GPR149: variants seen among roughly 807,000 people sequenced by gnomAD.
GPR149 encodes the protein probable G protein-coupled receptor 149.
In GPR149, 50 loss-of-function variants were observed where a neutral mutation model predicts 50.2. That is an observed-to-expected ratio of 1.00 (90% CI 0.79 to 1.26). The LOEUF is 1.26. Ranked by LOEUF, GPR149 falls within the 50% of genes most tolerant of loss-of-function variation. The probability of loss-of-function intolerance (pLI) is 0.00; values close to 1 mark genes in which losing one functional copy is unlikely to be tolerated. For synonymous variants in GPR149, 405 were observed against 358.2 expected (o/e 1.13, Z -1.48); for missense variants, 983 against 895.4 (o/e 1.10, Z -1.25).
At position 154,429,051 on chromosome 3, in the gene GPR149, A is replaced by T. The variant is rs775306236; in HGVS notation, c.565T>A (p.Ser189Thr). Residue 189 changes from serine to threonine, a missense_variant, in exon 1 of 4, where the codon TCC (serine) becomes ACC (threonine). Coordinates refer to ENST00000389740, the MANE Select transcript of GPR149 (RefSeq NM_001038705.3). ...ACGATAGAGAGGAATAGTACGTAGG[A>T]GCTGGAGCAGTCCACCAGGCAGCCC... ...PWGCLVDCSS[S>T]YVLFLSIVYA... 2.5e-6 allele frequency: 4 copies of T among 1,613,960 alleles called. No homozygotes were observed. Among genetic ancestry groups the T allele is most frequent in the Non-Finnish European group, 1.7e-6 (2 of 1,180,014 alleles).
At chr3:154,349,706 A>G (rs1714022033) in intron 3 of GPR149, among the ~76,000 whole-genome samples, 1 of 152,216 alleles carries the variant, frequency 6.6e-6, no homozygotes, top group South Asian at 2.1e-4. Context: ...TACAGAAAAT[A>G]CAAGACAAAG....
At position 154,337,670 on chromosome 3, in the gene GPR149, A is replaced by G. The variant is rs763862770; in HGVS notation, c.*29T>C. ...GTTTCACAGTTGACGTTGCAGATCC[A>G]TTCTTGCTCCTGTTAGACCAAATAC... On this transcript the variant is annotated 3_prime_UTR_variant, in exon 4 of 4. Coordinates refer to ENST00000389740, the MANE Select transcript of GPR149 (RefSeq NM_001038705.3). The G allele has an allele frequency of 2.0e-6, 3 of 1,496,074 alleles. No individual in the cohort carries two copies. Among genetic ancestry groups the G allele is most frequent in the Non-Finnish European group, 2.7e-6 (3 of 1,109,878 alleles). 92.7% of individuals were successfully genotyped at this position (1,496,074 alleles called of 1,614,324 possible).
In GPR149 at chr3:154,421,229, A is replaced by G; in HGVS notation, c.1433T>C (p.Ile478Thr). 1 of 1,613,526 alleles carries G rather than the reference A, an allele frequency of 6.2e-7. No individual in the cohort carries two copies. Among genetic ancestry groups the G allele is most frequent in the Non-Finnish European group, 8.5e-7 (1 of 1,179,628 alleles). The change falls in exon 3 of 4, where the codon ATT becomes ACT. Residue 478 changes from isoleucine (I) to threonine (T), a missense_variant. By Grantham distance (89) the Ile-to-Thr change is moderately conservative. Transcript: ENST00000389740. ...RGINKCTNTD[I>T]TEAKQDSNNK... ...GTTGGAATCCTGTTTAGCTTCTGTA[A>G]TATCAGTATTTGTGCATTTGTTGAT...
At chr3:154,352,217 T>C in intron 3 of GPR149, 1 of 897,678 alleles carries the variant, frequency 1.1e-6, no homozygotes, top group Non-Finnish European at 1.7e-6. Context: ...GTCGACTTCC[T>C]GAGTGACTCC....
At chr3:154,347,499 C>T (rs911999249) in intron 3 of GPR149, among the ~76,000 whole-genome samples, 1 of 152,148 alleles carries the variant, frequency 6.6e-6, no homozygotes, top group Non-Finnish European at 1.5e-5. Context: ...CGGGTTCCTC[C>T]CATGATGTGT....
chr3:154,380,838 A>C (rs2108406486), intron 3 of GPR149, among the ~76,000 whole-genome samples: 1 of 152,330 alleles, frequency 6.6e-6, no homozygotes, highest in East Asian at 1.9e-4. Flanking sequence ...GGGTTTTAAA[A>C]GGAGGAACAT....
At chr3:154,413,990 A>G (rs905494367) in intron 3 of GPR149, among the ~76,000 whole-genome samples, 6 of 151,888 alleles carry the variant, frequency 4.0e-5, no homozygotes, top group African/African-American at 1.4e-4. Context: ...ATAAAAAGGA[A>G]CAAAATAATG....
At chr3:154,370,444 G>C (rs1266891996) in intron 3 of GPR149, among the ~76,000 whole-genome samples, 1 of 152,288 alleles carries the variant, frequency 6.6e-6, no homozygotes, top group African/African-American at 2.4e-5. Context: ...CTTGTTATCA[G>C]TGCAGTTTGC....
chr3:154,391,871 C>T (rs1715179789), intron 3 of GPR149, among the ~76,000 whole-genome samples: 1 of 151,496 alleles, frequency 6.6e-6, no homozygotes, highest in African/African-American at 2.4e-5. Context: ...ACTGGCTATA[C>T]TTATATTGGA....
intron 3 of GPR149, among the ~76,000 whole-genome samples, chr3:154,409,199 C>A (rs1385631308): frequency 3.9e-5 from 6 of 152,224 alleles, no homozygotes. Flanking sequence ...ATCAAGGGAT[C>A]ATCCCGTGGG....
chr3:154,345,003 G>T (rs143029030), intron 3 of GPR149, among the ~76,000 whole-genome samples: 1 of 152,176 alleles, frequency 6.6e-6, no homozygotes, highest in African/African-American at 2.4e-5. Flanking sequence ...GGACACTGGG[G>T]CTATGTGGCC....
chr3:154,412,073 A>T (rs1476167496), intron 3 of GPR149, among the ~76,000 whole-genome samples: 4 of 152,226 alleles, frequency 2.6e-5, no homozygotes, highest in Admixed American at 2.6e-4. Context: ...GTAATACACC[A>T]CATAAACAGA....
intron 3 of GPR149, among the ~76,000 whole-genome samples, chr3:154,364,241 C>A (rs906646333): frequency 3.9e-5 from 6 of 152,200 alleles, no homozygotes; most frequent in Non-Finnish European, 8.8e-5. Flanking sequence ...AAAAGTCATA[C>A]TTCTTAATAC....
At chr3:154,352,070 G>T in intron 3 of GPR149, 1 of 470,986 alleles carries the variant, frequency 2.1e-6, no homozygotes, top group East Asian at 3.6e-5. Context: ...GCTAATTTTT[G>T]GTGGATAATA....
chr3:154,336,711 G>C lies in GPR149; in HGVS notation c.*988C>G, dbSNP rs1713663618. ...AAGAAACAAAAAAGCAGCTAAACTT[G>C]ATATAATATTTGAAGTAAACTTTTC... On this transcript the variant is annotated 3_prime_UTR_variant, in exon 4 of 4. Coordinates refer to ENST00000389740, the MANE Select transcript of GPR149 (RefSeq NM_001038705.3). 1 of 152,068 alleles carries C rather than the reference G, an allele frequency of 6.6e-6. No homozygotes were observed. The highest frequency in any genetic ancestry group is 2.1e-4 in the South Asian group (1 of 4,826). The allele number at this position is 152,068 out of a possible 1,614,324, so 9.4% of individuals were successfully genotyped here.
rs116831186 is a variant in GPR149 at position 154,386,750 on chromosome 3, T to C, written c.1623+34289A>G. Among the ~76,000 whole-genome samples the C allele has an allele frequency of 2.6e-3, 394 of 152,354 alleles. 1 individual carries two copies. Among genetic ancestry groups the C allele is most frequent in the African/African-American group, 9.0e-3 (376 of 41,578 alleles). On this transcript the variant is annotated intron_variant, in intron 3 of 3. Transcript: ENST00000389740. The stretch of plus-strand genomic sequence containing the variant: ...AGGACAAAAAAGGAAGCAAAACCAC[T>C]GCGATTGAATTCTCATATAGCTGAT...
chr3:154,359,189 A>T (rs1230895385), intron 3 of GPR149, among the ~76,000 whole-genome samples: 1 of 152,126 alleles, frequency 6.6e-6, no homozygotes, highest in Non-Finnish European at 1.5e-5. Context: ...AAATAATTTG[A>T]TAAGTTTAAT....
intron 3 of GPR149, among the ~76,000 whole-genome samples, chr3:154,366,629 A>G (rs1378146353): frequency 6.6e-6 from 1 of 152,226 alleles, no homozygotes; most frequent in Non-Finnish European, 1.5e-5. Flanking sequence ...GTCTTTCTAC[A>G]GACTTTAAGT....
chr3:154,382,972 G>A (rs1473471500), intron 3 of GPR149, among the ~76,000 whole-genome samples: 1 of 152,096 alleles, frequency 6.6e-6, no homozygotes, highest in East Asian at 1.9e-4. Context: ...ATTAGGGTTG[G>A]GATGAGGGTG....
Sources: allele counts gnomAD v4.1 joint callset (sites outside exome capture counted in the v4.1 genomes callset), GRCh38; gene constraint gnomAD v4.1.1; transcripts MANE v1.5; gene names NCBI Gene and HGNC (gene_info 2026-07-23, HGNC 2026-07-21).